CACTIN: variants seen among roughly 807,000 people sequenced by gnomAD.
The protein encoded by CACTIN is splicing factor Cactin.
A neutral mutation model predicts 84.9 loss-of-function variants in CACTIN; 20 were observed. That is an observed-to-expected ratio of 0.24 (90% CI 0.17 to 0.34). The LOEUF (loss-of-function observed/expected upper bound fraction) is 0.34, where lower values mean the gene tolerates loss of function less well. Among genes scored for constraint, CACTIN ranks in the 10% least tolerant of loss-of-function variants. The pLI is 1.00. For missense variants in CACTIN, 897 were observed against 1,117.2 expected, an observed-to-expected ratio of 0.80 and a Z score of 2.81; for synonymous variants, 549 against 467.9, an observed-to-expected ratio of 1.17 and a Z score of -2.24.
At position 3,626,620 on chromosome 19, in the gene CACTIN, C is replaced by T; in HGVS notation, c.143G>A (p.Arg48Gln). 6.6e-7 allele frequency: 1 copy of T among 1,525,770 alleles called. No homozygotes were observed. The highest frequency in any genetic ancestry group is 8.7e-7 in the Non-Finnish European group (1 of 1,145,178). The allele number at this position is 1,525,770 out of a possible 1,614,324, so 94.5% of individuals were successfully genotyped here. A position where few individuals can be genotyped will look rare whatever the true frequency, so the allele number is the denominator to read the frequency against. ...RRREDEGRRR[R>Q]RRRSRERRSD... Reference sequence around the variant, plus strand: ...CCTGCGCTCCCGGCTCCGCCGCCTCCGTCTGCGCCGTCCCTCGTCCTCCCG... The same window carrying T: ...CCTGCGCTCCCGGCTCCGCCGCCTCTGTCTGCGCCGTCCCTCGTCCTCCCG... The change falls in exon 1 of 10, where the codon CGG (arginine) becomes CAG (glutamine). Residue 48 changes from arginine (R) to glutamine (Q), a missense_variant. Around this residue, in one of 8 missense-constraint regions of CACTIN, gnomAD observed 261 missense variants for 243.8 expected, o/e 1.07. Coordinates refer to ENST00000429344, the MANE Select transcript of CACTIN (RefSeq NM_001080543.2).
At position 3,615,943 on chromosome 19, in the gene CACTIN, G is replaced by A. The variant is rs576729247; in HGVS notation, c.1163-1354C>T. The A allele has an allele frequency of 5.9e-5, 9 of 152,010 alleles. No homozygotes were observed. The highest frequency in any genetic ancestry group is 6.6e-5 in the Admixed American group (1 of 15,264). 9.4% of individuals were successfully genotyped at this position (152,010 alleles called of 1,614,324 possible). ...ACAGCGCGGCCGTGCCCAGACAGGC[G>A]GGGCTACCACGAACACTGAAACCCA... On this transcript the variant is annotated intron_variant, in intron 6 of 9. Coordinates refer to ENST00000429344, the MANE Select transcript of CACTIN (RefSeq NM_001080543.2). This position sits in a 1 kb window ranked among gnomAD's most constrained non-coding sequence, Gnocchi z 5.2.
At chr19:3,613,940 G>A (rs1236228985) in intron 7 of CACTIN, 2 of 425,932 alleles carry the variant, frequency 4.7e-6, no homozygotes, top group Non-Finnish European at 8.5e-6. Context: ...TAGCAGAGGA[G>A]ACATGTATTT....
At chr19:3,623,397 C>T (rs575246030) in intron 2 of CACTIN, among the ~76,000 whole-genome samples, 5 of 151,168 alleles carry the variant, frequency 3.3e-5, no homozygotes, top group East Asian at 3.9e-4. Flanking sequence ...GGCGTGGTAG[C>T]GGGCGCCTGT....
In CACTIN at chr19:3,618,886, C is replaced by G. The variant is rs968821657; in HGVS notation, c.1151G>C (p.Gly384Ala). The change falls in exon 6 of 10, where the codon GGC (glycine) becomes GCC (alanine). Residue 384 changes from glycine (G) to alanine (A), a missense_variant. Gly to Ala is a moderately conservative substitution (Grantham distance 60). Coordinates refer to ENST00000429344, the MANE Select transcript of CACTIN (RefSeq NM_001080543.2). Reference sequence around the variant, plus strand: ...ATGCCCGCCGTTACCTGGCCCCTTGCCCGAGGCCTCCAGCTTGCGGAGCTT... The same window carrying G: ...ATGCCCGCCGTTACCTGGCCCCTTGGCCGAGGCCTCCAGCTTGCGGAGCTT... ...ISKLRKLEAS[G>A]KGPGERREGV... 1 of 1,552,528 alleles carries G rather than the reference C, an allele frequency of 6.4e-7. No homozygotes were observed. The highest frequency in any genetic ancestry group is 8.7e-7 in the Non-Finnish European group (1 of 1,147,722).
chr19:3,620,610 G>C (rs961877856), intron 3 of CACTIN, 97 bp downstream of exon 3: 2 of 939,248 alleles, frequency 2.1e-6, no homozygotes, highest in Admixed American at 5.3e-5. Flanking sequence ...CAGCCCCCAG[G>C]ACTTCCCACT....
chr19:3,620,396 G>T, intron 3 of CACTIN, 124 bp from the exon 4 acceptor site: 1 of 1,129,804 alleles, frequency 8.9e-7, no homozygotes, highest in Non-Finnish European at 1.3e-6. Flanking sequence ...TTGGTCCGGA[G>T]ATGCCTGGGC....
Position 3,613,195 on chromosome 19 carries a change from C to A in CACTIN, c.1649G>T (p.Ser550Ile). 1 of 1,611,566 alleles carries A rather than the reference C, an allele frequency of 6.2e-7. No individual in the cohort carries two copies. Among genetic ancestry groups the A allele is most frequent in the Non-Finnish European group, 8.5e-7 (1 of 1,179,362 alleles). ...VLMEEDLIQQSLDDYDAGRYS... is the reference protein window; with the variant it reads ...VLMEEDLIQQILDDYDAGRYS... ...CCTGCCGGCGTCGTAGTCGTCCAGG[C>A]TCTGCTGGATCAGGTCCTCCTCCAT... Residue 550 changes from serine to isoleucine, a missense_variant, in exon 9 of 10, where the codon AGC (serine) becomes ATC (isoleucine). By Grantham distance (142) the Ser-to-Ile change is moderately radical. Around this residue, in one of 8 missense-constraint regions of CACTIN, gnomAD observed 243 missense variants for 239.9 expected, o/e 1.01. Transcript: ENST00000429344.
chr19:3,611,384 CTG>C lies in CACTIN; in HGVS notation c.*537_*538del. 1 of 442,936 alleles carries C rather than the reference CTG, an allele frequency of 2.3e-6. No homozygotes were observed. The highest frequency in any genetic ancestry group is 4.5e-6 in the Non-Finnish European group (1 of 223,696). The allele number at this position is 442,936 out of a possible 1,614,324, so 27.4% of individuals were successfully genotyped here. The stretch of plus-strand genomic sequence containing the variant: ...TGCTGCCTGTGCGGGCGAGGGTGGC[CTG>C]TGGGCAGGGCTGGAGCTGCCCCACA... On this transcript the variant is annotated 3_prime_UTR_variant, in exon 10 of 10. Transcript: ENST00000429344.
chr19:3,621,024 T>C (rs1291304616), intron 2 of CACTIN: 5 of 654,878 alleles, frequency 7.6e-6, no homozygotes, highest in Non-Finnish European at 2.8e-6. Flanking sequence ...ATGCAAAGGG[T>C]AAGAAGGGGC....
At position 3,611,156 on chromosome 19, in the gene CACTIN, G is replaced by A. The variant is rs1048961454; in HGVS notation, c.*767C>T. On this transcript the variant is annotated 3_prime_UTR_variant, in exon 10 of 10. Coordinates refer to ENST00000429344, the MANE Select transcript of CACTIN (RefSeq NM_001080543.2). The stretch of plus-strand genomic sequence containing the variant: ...CTCCAGGCCCTGTGCTCAGAGGTGG[G>A]GGGAGGACGGCTCAGTGACTTTTGG... The A allele has an allele frequency of 4.1e-5, 16 of 390,644 alleles. No homozygotes were observed. The highest frequency in any genetic ancestry group is 3.1e-5 in the Admixed American group (1 of 32,716). The allele number at this position is 390,644 out of a possible 1,614,324, so 24.2% of individuals were successfully genotyped here. A position where few individuals can be genotyped will look rare whatever the true frequency, so the allele number is the denominator to read the frequency against.
At position 3,623,938 on chromosome 19, in the gene CACTIN, G is replaced by A. The variant is rs201717662; in HGVS notation, c.392C>T (p.Ala131Val). The change falls in exon 2 of 10, where the codon GCG becomes GTG. Residue 131 changes from alanine to valine, a missense_variant. By Grantham distance (64) the Ala-to-Val change is moderately conservative (BLOSUM62 0). Around this residue, in one of 8 missense-constraint regions of CACTIN, gnomAD observed 261 missense variants for 243.8 expected, o/e 1.07. Coordinates refer to ENST00000429344, the MANE Select transcript of CACTIN (RefSeq NM_001080543.2). Reference protein sequence around the residue: ...PGRSQSPRAAAAALSQQQSLQ... With the variant: ...PGRSQSPRAAVAALSQQQSLQ... ...GCTCTGCTGCTGGCTCAGGGCAGCC[G>A]CGGCCGCCCGGGGGCTCTGGGATCG... 93 of 1,603,238 alleles carry A rather than the reference G, an allele frequency of 5.8e-5. No individual in the cohort carries two copies. In the African/African-American group the frequency reaches 1.2e-3, roughly 20 times the overall value.
chr19:3,623,508 G>A (rs890697052), intron 2 of CACTIN, among the ~76,000 whole-genome samples, 180 bp downstream of exon 2: 7 of 152,208 alleles, frequency 4.6e-5, no homozygotes, highest in African/African-American at 1.7e-4. Flanking sequence ...CAGCCTGGGC[G>A]ACAGAGCGAG....
Position 3,623,919 on chromosome 19 carries a change from C to T in CACTIN, c.411G>A (p.Gln137=). 1 of 1,606,096 alleles carries T rather than the reference C, an allele frequency of 6.2e-7. No homozygotes were observed. The highest frequency in any genetic ancestry group is 1.7e-5 in the Admixed American group (1 of 59,974). The part of the protein sequence containing the change: ...PRAAAAALSQ[Q]QSLQERLRLR... ...GCCGCAGCCGCTCCTGCAGGCTCTG[C>T]TGCTGGCTCAGGGCAGCCGCGGCCG... Residue 137 remains glutamine, a synonymous_variant, in exon 2 of 10, where the codon CAG becomes CAA. Coordinates refer to ENST00000429344, the MANE Select transcript of CACTIN (RefSeq NM_001080543.2).
In CACTIN at chr19:3,612,103, G is replaced by A. The variant is rs1384761069; in HGVS notation, c.2097C>T (p.Cys699=). Reference sequence around the variant, plus strand: ...GGATGGCGAAATCCTTGTTGTCGGCGCAGGCCTCCAGGAAGTACTCGGGCG... The same window carrying A: ...GGATGGCGAAATCCTTGTTGTCGGCACAGGCCTCCAGGAAGTACTCGGGCG... ...RSTPEYFLEA[C]ADNKDFAILR... Residue 699 remains cysteine, a synonymous_variant, in exon 10 of 10, where the codon TGC becomes TGT. Coordinates refer to ENST00000429344, the MANE Select transcript of CACTIN (RefSeq NM_001080543.2). 7 of 1,613,698 alleles carry A rather than the reference G, an allele frequency of 4.3e-6. No individual in the cohort carries two copies. Among genetic ancestry groups the A allele is most frequent in the East Asian group, 2.2e-5 (1 of 44,894 alleles).
Position 3,624,166 on chromosome 19 carries a change from C to T in CACTIN, c.168-4G>A, listed in dbSNP as rs146037605. The T allele has an allele frequency of 1.9e-5, 30 of 1,547,962 alleles. No homozygotes were observed. The Admixed American group carries it at 2.0e-4, about 10-fold the overall frequency. ...CCGCTCTTCCTCTGAATCTGACCTG[C>T]GGAGAGGACCATGGATGCCTGCTCA... On this transcript the variant is annotated splice_polypyrimidine_tract_variant and splice_region_variant and intron_variant, in intron 1 of 9. Transcript: ENST00000429344.
At chr19:3,612,660 C>T (rs1020346882) in intron 9 of CACTIN, 3 of 716,814 alleles carry the variant, frequency 4.2e-6, no homozygotes, top group Middle Eastern at 2.3e-4. Flanking sequence ...CAGCGCGCTT[C>T]CCCGCCGAGC....
chr19:3,620,403 G>T, intron 3 of CACTIN, 131 bp from the exon 4 acceptor site: 1 of 1,075,806 alleles, frequency 9.3e-7, no homozygotes. Flanking sequence ...GGAGATGCCT[G>T]GGCTGGTGGA....
rs1357303876 is a variant in CACTIN at position 3,620,290 on chromosome 19, T to C, written c.739-18A>G. On this transcript the variant is annotated intron_variant, in intron 3 of 9. Transcript: ENST00000429344. ...TGCTTCACCTGCAGGCACAGGAGGC[T>C]GAGGGCAGCGGGGACCGTGCGGTCT... is the stretch of plus-strand genomic sequence containing the variant. The C allele has an allele frequency of 6.4e-7, 1 of 1,551,376 alleles. No individual in the cohort carries two copies. The highest frequency in any genetic ancestry group is 8.7e-7 in the Non-Finnish European group (1 of 1,154,360).
chr19:3,611,446 C>A lies in CACTIN; in HGVS notation c.*477G>T. 1 of 404,552 alleles carries A rather than the reference C, an allele frequency of 2.5e-6. No individual in the cohort carries two copies. The highest frequency in any genetic ancestry group is 4.8e-6 in the Non-Finnish European group (1 of 209,740). 25.1% of individuals were successfully genotyped at this position (404,552 alleles called of 1,614,324 possible). ...TCTGCCTCACGCCCAGTGGGTGCCC[C>A]GTGATGTGGCAGGGCTGGCCTTGAG... On this transcript the variant is annotated 3_prime_UTR_variant, in exon 10 of 10. Transcript: ENST00000429344.
Sources: allele counts gnomAD v4.1 joint callset (sites outside exome capture counted in the v4.1 genomes callset), GRCh38; gene constraint gnomAD v4.1.1; regional missense constraint gnomAD v4.1.1; non-coding constraint Gnocchi (gnomAD v3.1); transcripts MANE v1.5; gene names NCBI Gene and HGNC (gene_info 2026-07-23, HGNC 2026-07-21).